The following TAFA2 variants were observed in gnomAD, a reference collection of about 807,000 sequenced individuals.
TAFA2 encodes chemokine-like protein TAFA-2.
A neutral mutation model predicts 18.8 loss-of-function variants in TAFA2; 7 were observed. The observed-to-expected ratio is 0.37, with a 90% CI of 0.21 to 0.70. The LOEUF (loss-of-function observed/expected upper bound fraction) is 0.70, where lower values mean the gene tolerates loss of function less well. Ranked by LOEUF, TAFA2 falls within the 30% of genes least tolerant of loss-of-function variation. The pLI is 0.53. For missense variants in TAFA2, 122 were observed against 158.1 expected (o/e 0.77, Z 1.23); for synonymous variants, 60 against 54.2 (o/e 1.11, Z -0.47).
chr12:62,175,593 A>G (rs989254430), intron 1 of TAFA2, among the ~76,000 whole-genome samples: 13 of 152,074 alleles, frequency 8.5e-5, no homozygotes, highest in African/African-American at 2.9e-4. Flanking sequence ...CACATCTTCA[A>G]TCATCTGAAA....
chr12:62,091,136 T>C (rs905677798), intron 1 of TAFA2, among the ~76,000 whole-genome samples: 1 of 152,004 alleles, frequency 6.6e-6, no homozygotes, highest in African/African-American at 2.4e-5. Flanking sequence ...GACAAAAAAG[T>C]TGGTTTGAAG....
intron 1 of TAFA2, among the ~76,000 whole-genome samples, chr12:62,219,205 T>A (rs2062750244): frequency 6.6e-6 from 1 of 151,908 alleles, no homozygotes; most frequent in African/African-American, 2.4e-5. Flanking sequence ...TAGGTTAACA[T>A]AAAAGAATTC....
intron 1 of TAFA2, among the ~76,000 whole-genome samples, chr12:61,958,832 G>A (rs536876344): frequency 7.9e-5 from 12 of 151,790 alleles, no homozygotes; most frequent in African/African-American, 1.5e-4. Flanking sequence ...TATAGGTAAC[G>A]GACTATTAGT....
chr12:61,911,201 C>T (rs945281932), intron 1 of TAFA2, among the ~76,000 whole-genome samples: 1 of 152,060 alleles, frequency 6.6e-6, no homozygotes, highest in Non-Finnish European at 1.5e-5. Flanking sequence ...AGCAATTTAC[C>T]ATAATTAGCA....
intron 1 of TAFA2, among the ~76,000 whole-genome samples, chr12:61,876,298 C>A (rs1365260136): frequency 6.6e-6 from 1 of 152,110 alleles, no homozygotes; most frequent in Non-Finnish European, 1.5e-5. Flanking sequence ...AGCTCTTTCT[C>A]CTGCATGCTG....
Position 61,753,784 on chromosome 12 carries a change from C to A in TAFA2, c.260-38G>T, listed in dbSNP as rs944576878. 3.2e-6 allele frequency: 5 copies of A among 1,578,844 alleles called. No homozygotes were observed. In the African/African-American group the frequency reaches 6.8e-5, roughly 21 times the overall value. On this transcript the variant is annotated intron_variant, in intron 3 of 4. Transcript: ENST00000416284. ...AAAAAAATTGACTCAACATTTTTTT[C>A]TTGGGACTTATTTCTCTTGTTCACC...
chr12:62,062,421 GC>G (rs1010735555), intron 1 of TAFA2, among the ~76,000 whole-genome samples: 1 of 152,140 alleles, frequency 6.6e-6, no homozygotes, highest in Non-Finnish European at 1.5e-5. Context: ...AGAAGTGAAA[GC>G]CTTCCTCATG....
At chr12:61,736,648 C>T (rs566486869) in intron 4 of TAFA2, among the ~76,000 whole-genome samples, 12 of 152,052 alleles carry the variant, frequency 7.9e-5, no homozygotes, top group Non-Finnish European at 1.6e-4. Context: ...CTCTGATTTA[C>T]CCCGTTGTCC....
intron 1 of TAFA2, among the ~76,000 whole-genome samples, chr12:62,210,483 G>T (rs890758470): frequency 2.6e-5 from 4 of 152,100 alleles, no homozygotes; most frequent in African/African-American, 9.7e-5. Context: ...AGTTAAGACA[G>T]AGCTTCAAAT....
rs529647249 is a variant in TAFA2, at chr12:61,936,169, CT to C, written c.-1-68744del. Among the ~76,000 whole-genome samples the C allele has an allele frequency of 2.3e-3, 350 of 152,260 alleles. 3 individuals carry two copies. The highest frequency in any genetic ancestry group is 8.0e-3 in the African/African-American group (333 of 41,554). On this transcript the variant is annotated intron_variant, in intron 1 of 4. Coordinates refer to ENST00000416284, the MANE Select transcript of TAFA2 (RefSeq NM_178539.5). ...TTTCATCTCAGGAATACAGGAATGG[CT>C]TAACATATGCAAGTCAATAAATGCA...
At chr12:61,927,069 GA>G (rs56908081) in intron 1 of TAFA2, among the ~76,000 whole-genome samples, 14,901 of 69,944 alleles carry the variant, frequency 0.21, 746 homozygotes, top group East Asian at 0.46. Flanking sequence ...GTGAGACTCT[GA>G]AAAAAAAAAA....
intron 2 of TAFA2, among the ~76,000 whole-genome samples, chr12:61,833,734 A>G (rs1268441502): frequency 6.6e-6 from 1 of 151,908 alleles, no homozygotes; most frequent in East Asian, 1.9e-4. Flanking sequence ...GTTGTCTATA[A>G]GAACTCTCTT....
chr12:62,159,464 C>T (rs1205277415), intron 1 of TAFA2, among the ~76,000 whole-genome samples: 1 of 152,108 alleles, frequency 6.6e-6, no homozygotes, highest in Non-Finnish European at 1.5e-5. Flanking sequence ...CAGGAAGAAA[C>T]ATTCTAAAAG....
At chr12:61,878,392 T>C (rs895646579) in intron 1 of TAFA2, among the ~76,000 whole-genome samples, 1 of 152,208 alleles carries the variant, frequency 6.6e-6, no homozygotes, top group African/African-American at 2.4e-5. Flanking sequence ...TCATTGGCTC[T>C]ACCATATAAC....
chr12:62,104,049 G>GC (rs1485384256), intron 1 of TAFA2, among the ~76,000 whole-genome samples: 1 of 152,138 alleles, frequency 6.6e-6, no homozygotes, highest in Non-Finnish European at 1.5e-5. Context: ...CTTTGAGTTG[G>GC]CAATGCCAAG....
intron 1 of TAFA2, among the ~76,000 whole-genome samples, chr12:62,240,442 T>A (rs929076567): frequency 2.0e-5 from 3 of 151,824 alleles, no homozygotes; most frequent in Admixed American, 2.0e-4. Flanking sequence ...AAACTAACAA[T>A]AATTAATTTA....
chr12:61,767,521 A>G (rs902674442), intron 2 of TAFA2, among the ~76,000 whole-genome samples: 1 of 152,104 alleles, frequency 6.6e-6, no homozygotes, highest in African/African-American at 2.4e-5. Context: ...TGAAGCCAGC[A>G]AGAGCCCTAT....
At chr12:61,906,329 C>G (rs1044260871) in intron 1 of TAFA2, among the ~76,000 whole-genome samples, 3 of 152,136 alleles carry the variant, frequency 2.0e-5, no homozygotes, top group African/African-American at 7.2e-5. Flanking sequence ...CTGTGCAGTT[C>G]TCATGATAGT....
At chr12:61,710,640 T>C (rs1053823924) in intron 4 of TAFA2, among the ~76,000 whole-genome samples, 9 of 152,098 alleles carry the variant, frequency 5.9e-5, no homozygotes, top group African/African-American at 2.2e-4. Context: ...ATTTGCACAA[T>C]TATCCAAGTG....
Sources: gnomAD v4.1 joint callset for allele counts (sites outside exome capture counted in the v4.1 genomes callset) on GRCh38, gnomAD v4.1.1 for gene constraint, MANE v1.5 for transcripts, NCBI Gene and HGNC (gene_info 2026-07-23, HGNC 2026-07-21) for gene names.